The following MASP1 variants were observed in gnomAD, a reference collection of about 807,000 sequenced individuals.
MASP1 encodes the protein MBL associated serine protease 1, also known as mannan-binding lectin serine protease 1.
Under a neutral mutation model 77.1 loss-of-function variants are expected in MASP1, and 59 were observed. That is an observed-to-expected ratio of 0.77 (90% CI 0.62 to 0.95). MASP1 has a LOEUF of 0.95. Ranked by LOEUF, MASP1 falls within the 40% of genes least tolerant of loss-of-function variation. MASP1 has a pLI of 0.00. For missense variants in MASP1, 885 were observed against 912.9 expected, an observed-to-expected ratio of 0.97 and a Z score of 0.39; for synonymous variants, 362 against 354.5, an observed-to-expected ratio of 1.02 and a Z score of -0.24.
chr3:187,270,568 C>A (rs1716438723), intron 2 of MASP1, among the ~76,000 whole-genome samples: 1 of 152,192 alleles, frequency 6.6e-6, no homozygotes, highest in Admixed American at 6.5e-5. Context: ...CAAAATAGAG[C>A]CCAATCTCTC....
downstream of MASP1, among the ~76,000 whole-genome samples, chr3:187,229,520 G>A (rs1712638637): frequency 6.6e-6 from 1 of 152,090 alleles, no homozygotes; most frequent in Admixed American, 6.5e-5. Flanking sequence ...CACAGCCCTG[G>A]CATGCCCTGT....
At chr3:187,243,779 T>G (rs1290893570) in intron 8 of MASP1, 158 bp from the exon 9 acceptor site, 13 of 844,968 alleles carry the variant, frequency 1.5e-5, no homozygotes, top group Non-Finnish European at 2.6e-5. Context: ...GGGTGTGCAG[T>G]GTACAGCCTG....
At chr3:187,231,388 C>T (rs1318702027), downstream of MASP1, among the ~76,000 whole-genome samples, 1 of 152,204 alleles carries the variant, frequency 6.6e-6, no homozygotes, top group Non-Finnish European at 1.5e-5. Flanking sequence ...CTTCTCCTCC[C>T]TTCTATAGTA....
chr3:187,235,020 T>A lies in MASP1; in HGVS notation c.*664A>T. 7.8e-7 allele frequency: 1 copy of A among 1,287,232 alleles called. No individual in the cohort carries two copies. Among genetic ancestry groups the A allele is most frequent in the Non-Finnish European group, 1.0e-6 (1 of 988,694 alleles). 79.7% of individuals were successfully genotyped at this position (1,287,232 alleles called of 1,614,324 possible). On this transcript the variant is annotated 3_prime_UTR_variant, in exon 11 of 11. Transcript: ENST00000296280. The stretch of plus-strand genomic sequence containing the variant: ...AGCAGTCAGCACAAACCTTCCCAAC[T>A]TTCTCCATGTCTTTTGAAATTCCTT...
In MASP1 at chr3:187,221,132, A is replaced by G. The variant is rs777625922; in HGVS notation, c.1812T>C (p.Ile604=). The G allele has an allele frequency of 6.2e-6, 10 of 1,612,508 alleles. No homozygotes were observed. The East Asian group carries it at 2.2e-4, about 36-fold the overall frequency. Residue 604 remains isoleucine, a splice_region_variant and synonymous_variant, in exon 15 of 16, where the codon ATT becomes ATC. Transcript: ENST00000337774. ...TGCTGTGGTCAACAATCGGGATTTCAATCTAGAACACAAAGCTGTTATTGG... is the reference window on the plus strand; with the variant it reads ...TGCTGTGGTCAACAATCGGGATTTCGATCTAGAACACAAAGCTGTTATTGG...
intron 4 of MASP1, among the ~76,000 whole-genome samples, chr3:187,259,001 A>G (rs1715332806): frequency 6.6e-6 from 1 of 152,084 alleles, no homozygotes; most frequent in South Asian, 2.1e-4. Context: ...AGCTCCCTAT[A>G]TTGATTTTCT....
rs1712938197 is a variant in MASP1 at position 187,234,170 on chromosome 3, G to A, written c.*1514C>T. ...CCCTTTACAGAATGGTGAAGCATAT[G>A]ATATAAAAGATACAAAATATAACAT... On this transcript the variant is annotated 3_prime_UTR_variant, in exon 11 of 11. Coordinates refer to ENST00000296280, the MANE Select transcript of MASP1 (RefSeq NM_139125.4). 7.8e-7 allele frequency: 1 copy of A among 1,287,078 alleles called. No homozygotes were observed. Among genetic ancestry groups the A allele is most frequent in the African/African-American group, 1.5e-5 (1 of 65,796 alleles). The allele number at this position is 1,287,078 out of a possible 1,614,324, so 79.7% of individuals were successfully genotyped here.
intron 5 of MASP1, among the ~76,000 whole-genome samples, chr3:187,254,045 G>A (rs1432614606): frequency 6.6e-6 from 1 of 152,136 alleles, no homozygotes; most frequent in Admixed American, 6.5e-5. Flanking sequence ...ACGTATTGTG[G>A]CTCAGAGAAG....
rs1380398735 is a variant in MASP1, at chr3:187,253,286, A to G, written c.774T>C (p.Pro258=). The change falls in exon 6 of 11, where the codon CCT becomes CCC. Residue 258 remains proline, a synonymous_variant. Transcript: ENST00000296280. ...KIKVGPKVLG[P]FCGEKAPEPI... is the part of the protein sequence containing the mutation. ...GTTCTGGGGCTTTCTCTCCACAGAA[A>G]GGCCCCAAAACTTTTGGACCAACTT... 3 of 1,614,184 alleles carry G rather than the reference A, an allele frequency of 1.9e-6. No individual in the cohort carries two copies. The highest frequency in any genetic ancestry group is 8.5e-7 in the Non-Finnish European group (1 of 1,180,020).
At chr3:187,251,806 A>C (rs1714629943) in intron 6 of MASP1, 54 bp from the exon 7 acceptor site, 1 of 1,353,066 alleles carries the variant, frequency 7.4e-7, no homozygotes, top group African/African-American at 1.4e-5. Flanking sequence ...TTCTGACCTT[A>C]AAGGGCCAGT....
chr3:187,286,461 A>G (rs548524089), intron 1 of MASP1, among the ~76,000 whole-genome samples: 4 of 152,348 alleles, frequency 2.6e-5, no homozygotes, highest in East Asian at 1.9e-4. Context: ...GCTTAAATGC[A>G]TTGATGGAAT....
rs1579482751 is a variant in MASP1 at position 187,236,477 on chromosome 3, G to A, written c.1394C>T (p.Ala465Val). Residue 465 changes from alanine (A) to valine (V), a missense_variant, in exon 11 of 11, where the codon GCC (alanine) becomes GTC (valine). Transcript: ENST00000296280. Reference sequence around the variant, plus strand: ...CGAAGTGTCCTCCACCACTATCAGGGCCTGCCACGGGAAGAGGCCAGGCTC... The same window carrying A: ...CGAAGTGTCCTCCACCACTATCAGGACCTGCCACGGGAAGAGGCCAGGCTC... ...NAEPGLFPWQ[A>V]LIVVEDTSRV... 1.2e-6 allele frequency: 2 copies of A among 1,614,032 alleles called. No individual in the cohort carries two copies. The highest frequency in any genetic ancestry group is 1.1e-5 in the South Asian group (1 of 91,082).
chr3:187,251,540 G>T, intron 7 of MASP1, 94 bp downstream of exon 7: 1 of 977,726 alleles, frequency 1.0e-6, no homozygotes, highest in Non-Finnish European at 1.7e-6. Flanking sequence ...CTGGAACTAT[G>T]ACAAGTTCTG....
At position 187,243,499 on chromosome 3, in the gene MASP1, G is replaced by C. The variant is rs777049433; in HGVS notation, c.1213C>G (p.Leu405Val). The change falls in exon 9 of 11, where the codon CTC (leucine) becomes GTC (valine). Residue 405 changes from leucine (L) to valine (V), a missense_variant. Leu to Val is a conservative substitution (Grantham distance 32). Coordinates refer to ENST00000296280, the MANE Select transcript of MASP1 (RefSeq NM_139125.4). ...YSCQEPYYKM[L>V]NNNTGIYTCS... is the part of the protein sequence containing the mutation. ...GATGGCTTACCTGTGTTATTGTTGA[G>C]CATCTTGTAATAGGGCTCCTGACAG... The C allele has an allele frequency of 6.2e-7, 1 of 1,614,152 alleles. No individual in the cohort carries two copies. Among genetic ancestry groups the C allele is most frequent in the Middle Eastern group, 1.7e-4 (1 of 6,058 alleles).
chr3:187,291,669 G>T lies in MASP1; in HGVS notation c.-37C>A, dbSNP rs1475851396. On this transcript the variant is annotated 5_prime_UTR_variant, in exon 1 of 11. Coordinates refer to ENST00000296280, the MANE Select transcript of MASP1 (RefSeq NM_139125.4). ...GGGTGCTCCCGGCTGCCCGGCCTTGGTCCTCCCAGCTTGACTTGCCTGTGA... is the reference window on the plus strand; with the variant it reads ...GGGTGCTCCCGGCTGCCCGGCCTTGTTCCTCCCAGCTTGACTTGCCTGTGA... The T allele has an allele frequency of 6.2e-7, 1 of 1,614,038 alleles. No homozygotes were observed. The highest frequency in any genetic ancestry group is 8.5e-7 in the Non-Finnish European group (1 of 1,180,012).
chr3:187,238,258 AG>A (rs1469657194), intron 10 of MASP1, among the ~76,000 whole-genome samples: 1 of 152,254 alleles, frequency 6.6e-6, no homozygotes, highest in East Asian at 1.9e-4. Context: ...GAGACCTTGG[AG>A]AACAGCTAAT....
Position 187,249,464 on chromosome 3 carries a change from T to C in MASP1, c.1090+787A>G, listed in dbSNP as rs531813650. On this transcript the variant is annotated intron_variant, in intron 8 of 10. Coordinates refer to ENST00000296280, the MANE Select transcript of MASP1 (RefSeq NM_139125.4). ...TGCCTCCTCTCATCAATGTTGGCCA[T>C]AATAAGTTTCTAAAACTGTGGTCCT... 2.6e-5 allele frequency among the ~76,000 whole-genome samples: 4 copies of C among 152,358 alleles called. No individual in the cohort carries two copies. In the East Asian group the frequency reaches 5.8e-4, roughly 22 times the overall value.
intron 2 of MASP1, among the ~76,000 whole-genome samples, chr3:187,265,181 C>A (rs374931286): frequency 1.3e-5 from 2 of 152,028 alleles, no homozygotes; most frequent in African/African-American, 4.8e-5. Flanking sequence ...TTACTGCTTG[C>A]GGATGAACTT....
intron 2 of MASP1, among the ~76,000 whole-genome samples, chr3:187,270,146 A>G (rs1716397394): frequency 6.6e-6 from 1 of 152,234 alleles, no homozygotes; most frequent in Admixed American, 6.5e-5. Flanking sequence ...CAACAAGTAT[A>G]CGATGCGTTA....
Sources: gnomAD v4.1 joint callset for allele counts (sites outside exome capture counted in the v4.1 genomes callset) on GRCh38, gnomAD v4.1.1 for gene constraint, MANE v1.5 for transcripts, NCBI Gene and HGNC (gene_info 2026-07-23, HGNC 2026-07-21) for gene names.